ANKFN1: variants seen among roughly 807,000 people sequenced by gnomAD.
The protein encoded by ANKFN1 is ankyrin repeat and fibronectin type III domain containing 1.
ANKFN1 carries 74 observed loss-of-function variants against 108.7 expected under a neutral mutation model. The observed-to-expected ratio is 0.68, with a 90% CI of 0.56 to 0.83. ANKFN1 has a LOEUF of 0.83. Ranked by LOEUF, ANKFN1 falls within the 40% of genes least tolerant of loss-of-function variation. ANKFN1 has a pLI of 0.00. For missense variants in ANKFN1, 1,505 were observed against 1,382.3 expected (o/e 1.09, Z -1.41); for synonymous variants, 547 against 516.2 (o/e 1.06, Z -0.81).
chr17:56,047,582 C>T (rs1389629977), intron 4 of ANKFN1, among the ~76,000 whole-genome samples: 1 of 152,030 alleles, frequency 6.6e-6, no homozygotes, highest in Non-Finnish European at 1.5e-5. Flanking sequence ...GAAATATGAA[C>T]CAGGGGATGG....
At chr17:56,189,760 A>G (rs959949339) in intron 1 of ANKFN1, among the ~76,000 whole-genome samples, 1 of 152,164 alleles carries the variant, frequency 6.6e-6, no homozygotes, top group African/African-American at 2.4e-5. Context: ...TGAGGGGGCT[A>G]TGATTCAGCC....
intron 1 of ANKFN1, among the ~76,000 whole-genome samples, chr17:56,208,403 A>G (rs771273543): frequency 2.6e-5 from 4 of 152,160 alleles, no homozygotes; most frequent in Non-Finnish European, 5.9e-5. Flanking sequence ...TAGGATTTTT[A>G]GCAGGCAGTA....
At chr17:56,369,390 T>C (rs1175705002) in intron 6 of ANKFN1, among the ~76,000 whole-genome samples, 2 of 152,020 alleles carry the variant, frequency 1.3e-5, no homozygotes, top group Non-Finnish European at 2.9e-5. Flanking sequence ...ATTATAAAAA[T>C]TGAAAATGAT....
intron 8 of ANKFN1, among the ~76,000 whole-genome samples, chr17:56,422,323 G>A (rs1241591017): frequency 7.9e-6 from 1 of 127,266 alleles, no homozygotes; most frequent in African/African-American, 3.0e-5. Flanking sequence ...AGCCTTATTG[G>A]ACCATGTGGT....
upstream of ANKFN1, chr17:56,153,453 G>A: frequency 6.2e-7 from 1 of 1,606,178 alleles, no homozygotes; most frequent in Non-Finnish European, 8.5e-7. Context: ...TCGCAAAGGG[G>A]TTTCCCTCCA....
chr17:56,328,893 G>T (rs2045591165), intron 4 of ANKFN1, among the ~76,000 whole-genome samples: 2 of 152,174 alleles, frequency 1.3e-5, no homozygotes, highest in South Asian at 4.2e-4. Context: ...CTAACAAAAT[G>T]TAGTCTATTT....
At chr17:56,061,235 C>A (rs1904968945) in intron 4 of ANKFN1, among the ~76,000 whole-genome samples, 1 of 136,910 alleles carries the variant, frequency 7.3e-6, no homozygotes, top group African/African-American at 2.8e-5. Flanking sequence ...GTATGTATAG[C>A]ATTCTCTGAT....
chr17:56,218,467 C>A (rs562724295), intron 2 of ANKFN1, among the ~76,000 whole-genome samples: 1 of 152,230 alleles, frequency 6.6e-6, no homozygotes, highest in African/African-American at 2.4e-5. Context: ...TCTGTCCCAT[C>A]TCTTTTCACT....
At chr17:56,461,225 T>A (rs113431048) in intron 14 of ANKFN1, among the ~76,000 whole-genome samples, 450 of 152,328 alleles carry the variant, frequency 3.0e-3, no homozygotes, top group Middle Eastern at 0.01. Flanking sequence ...TGGATAAAGA[T>A]TCACTTTTAT....
At chr17:56,271,219 G>T (rs1038159605) in intron 3 of ANKFN1, among the ~76,000 whole-genome samples, 2 of 152,108 alleles carry the variant, frequency 1.3e-5, no homozygotes, top group Non-Finnish European at 2.9e-5. Context: ...ATGTTGCCCA[G>T]GCTGGTGTTG....
chr17:56,112,364 G>A lies in ANKFN1; in HGVS notation c.288+66039G>A, dbSNP rs1017305285. 6.6e-5 allele frequency among the ~76,000 whole-genome samples: 10 copies of A among 151,960 alleles called. No homozygotes were observed. The East Asian group carries it at 7.7e-4, about 12-fold the overall frequency. ...TGAGTCATAATGTGAGGATCTAGTC[G>A]GGTTACAACTAAAATCAATTTTATC... is the stretch of plus-strand genomic sequence containing the variant. On this transcript the variant is annotated intron_variant, in intron 4 of 12. Coordinates refer to the ANKFN1 transcript ENST00000635860.
chr17:56,495,924 T>C (rs189756601), intron 19 of ANKFN1, among the ~76,000 whole-genome samples: 1 of 152,180 alleles, frequency 6.6e-6, no homozygotes, highest in East Asian at 1.9e-4. Flanking sequence ...AAACTGAAAT[T>C]TTTAAGGGGC....
Position 56,511,068 on chromosome 17 carries a change from C to T in ANKFN1, c.3240C>T (p.Leu1080=). 1 of 1,536,014 alleles carries T rather than the reference C, an allele frequency of 6.5e-7. No homozygotes were observed. The highest frequency in any genetic ancestry group is 8.7e-7 in the Non-Finnish European group (1 of 1,146,866). Residue 1080 remains leucine (L), a synonymous_variant, in exon 21 of 21, where the codon CTC becomes CTT. Transcript: ENST00000682825. ...TTCCTGAGGAGCGGAACAGCAGTCT[C>T]CAGGACGCGAGGCCTTCCGTCCGCC... ...ASLPEERNSS[L]QDARPSVRRL...
chr17:56,070,736 A>AT (rs111445728), intron 4 of ANKFN1, among the ~76,000 whole-genome samples: 119,688 of 148,596 alleles, frequency 0.81, 48,981 homozygotes, highest in African/African-American at 0.94. Flanking sequence ...TCTCTTTTGT[A>AT]TTTTTTTCTT....
intron 11 of ANKFN1, among the ~76,000 whole-genome samples, chr17:56,452,151 A>G (rs541680943): frequency 6.6e-6 from 1 of 152,328 alleles, no homozygotes; most frequent in South Asian, 2.1e-4. Flanking sequence ...TTATTATCCA[A>G]TTATTCAACT....
At chr17:56,105,394 C>T (rs1322748481) in intron 4 of ANKFN1, among the ~76,000 whole-genome samples, 3 of 152,078 alleles carry the variant, frequency 2.0e-5, no homozygotes, top group African/African-American at 4.8e-5. Flanking sequence ...CTCCGAGGCA[C>T]GTGTGAAATA....
chr17:56,486,523 T>C (rs1449759890), intron 18 of ANKFN1, among the ~76,000 whole-genome samples: 2 of 152,184 alleles, frequency 1.3e-5, no homozygotes, highest in African/African-American at 4.8e-5. Context: ...TCATAACTAC[T>C]TCCTCCATCA....
At chr17:56,156,260 GTAT>G (rs1361993838) in intron 1 of ANKFN1, among the ~76,000 whole-genome samples, 1 of 151,844 alleles carries the variant, frequency 6.6e-6, no homozygotes, top group African/African-American at 2.4e-5. Context: ...TTTTGTTGTT[GTAT>G]TTTTAGTAGA....
chr17:56,124,879 G>A (rs978732158), intron 4 of ANKFN1, among the ~76,000 whole-genome samples: 4 of 152,114 alleles, frequency 2.6e-5, no homozygotes, highest in Non-Finnish European at 5.9e-5. Context: ...CCTGGTCTCC[G>A]TGTGACCTCC....
Sources: allele counts gnomAD v4.1 joint callset (sites outside exome capture counted in the v4.1 genomes callset), GRCh38; gene constraint gnomAD v4.1.1; transcripts MANE v1.5; gene names NCBI Gene and HGNC (gene_info 2026-07-23, HGNC 2026-07-21).